MAGI1: variants seen among roughly 807,000 people sequenced by gnomAD.
MAGI1 encodes the protein membrane-associated guanylate kinase, WW and PDZ domain-containing protein 1.
A neutral mutation model predicts 139.9 loss-of-function variants in MAGI1; 58 were observed. The ratio of observed to expected loss-of-function variants is 0.41; its 90% CI spans 0.34 to 0.52. The LOEUF (loss-of-function observed/expected upper bound fraction) is 0.52, where lower values mean the gene tolerates loss of function less well. Among genes scored for constraint, MAGI1 ranks in the 20% least tolerant of loss-of-function variants. The pLI is 0.12. For missense variants in MAGI1, 1,874 were observed against 1,901.6 expected (o/e 0.99, Z 0.27); for synonymous variants, 812 against 737.9 (o/e 1.10, Z -1.63).
At chr3:65,643,565 G>A (rs2107257981) in intron 1 of MAGI1, among the ~76,000 whole-genome samples, 1 of 152,208 alleles carries the variant, frequency 6.6e-6, no homozygotes, top group Middle Eastern at 3.4e-3. Flanking sequence ...CCTCAACATG[G>A]TGATGAGTTT....
In MAGI1 at chr3:65,401,488, AGGAGG is replaced by A; in HGVS notation, c.2168-23_2168-19del. The A allele has an allele frequency of 1.2e-6, 2 of 1,611,022 alleles. No homozygotes were observed. Among genetic ancestry groups the A allele is most frequent in the Non-Finnish European group, 1.7e-6 (2 of 1,178,654 alleles). On this transcript the variant is annotated intron_variant, in intron 12 of 22. Coordinates refer to ENST00000402939, the MANE Select transcript of MAGI1 (RefSeq NM_001033057.2). The stretch of plus-strand genomic sequence containing the variant: ...TGGCAGCCCTGGAAAAAATGCAACA[AGGAGG>A]GGAGGGGGGAAGAAATCATTAGCAT...
At chr3:65,726,458 C>T (rs9872924) in intron 1 of MAGI1, among the ~76,000 whole-genome samples, 46,292 of 151,954 alleles carry the variant, frequency 0.3, 7,626 homozygotes, top group African/African-American at 0.38. Context: ...CTCTACCAAA[C>T]CTTTGAAAAT....
At chr3:65,876,282 T>C (rs1270349654) in intron 1 of MAGI1, among the ~76,000 whole-genome samples, 1 of 152,000 alleles carries the variant, frequency 6.6e-6, no homozygotes, top group African/African-American at 2.4e-5. Flanking sequence ...CGATCACGCC[T>C]GTGAACAGCC....
intron 20 of MAGI1, 25 bp downstream of exon 20, chr3:65,364,640 G>C: frequency 1.2e-6 from 2 of 1,604,056 alleles, no homozygotes; most frequent in Non-Finnish European, 1.7e-6. Context: ...GCAAAGTATA[G>C]AGAAAAAAGA....
chr3:65,876,924 T>A (rs970273331), intron 1 of MAGI1, among the ~76,000 whole-genome samples: 1 of 152,132 alleles, frequency 6.6e-6, no homozygotes, highest in East Asian at 1.9e-4. Flanking sequence ...TTTGTATTTT[T>A]AGTAGAGACG....
At chr3:65,526,046 T>C (rs528495757) in intron 2 of MAGI1, among the ~76,000 whole-genome samples, 1 of 152,340 alleles carries the variant, frequency 6.6e-6, no homozygotes, top group South Asian at 2.1e-4. Flanking sequence ...TATATGTAAT[T>C]AGTTTTTAAA....
chr3:65,643,899 T>C (rs959161945), intron 1 of MAGI1, among the ~76,000 whole-genome samples: 3 of 152,122 alleles, frequency 2.0e-5, no homozygotes, highest in Non-Finnish European at 4.4e-5. Context: ...CATTCTGGGG[T>C]ACTGTCAAAG....
At chr3:66,033,658 T>A (rs1292726230) in intron 1 of MAGI1, among the ~76,000 whole-genome samples, 1 of 152,306 alleles carries the variant, frequency 6.6e-6, no homozygotes, top group East Asian at 1.9e-4. Flanking sequence ...ATTTCCCTCA[T>A]TACAGTGAGG....
intron 1 of MAGI1, among the ~76,000 whole-genome samples, chr3:65,748,009 T>TAAAAAAAAAAA (rs2035842826): frequency 6.6e-6 from 1 of 152,062 alleles, no homozygotes; most frequent in Non-Finnish European, 1.5e-5. Flanking sequence ...AACACAGTTT[T>TAAAAAAAAAAA]TAAAAAGATA....
chr3:65,516,254 A>C (rs958132407), intron 2 of MAGI1, among the ~76,000 whole-genome samples: 44 of 152,114 alleles, frequency 2.9e-4, no homozygotes, highest in African/African-American at 9.9e-4. Context: ...ATCTTGGCTC[A>C]CTGCTACCTC....
chr3:65,558,139 C>A (rs1226483869), intron 2 of MAGI1, among the ~76,000 whole-genome samples: 1 of 152,200 alleles, frequency 6.6e-6, no homozygotes, highest in African/African-American at 2.4e-5. Context: ...TCATCATTCT[C>A]ATGTTAAGTA....
At chr3:65,908,016 T>C (rs2061506349) in intron 1 of MAGI1, among the ~76,000 whole-genome samples, 2 of 152,156 alleles carry the variant, frequency 1.3e-5, no homozygotes, top group Admixed American at 1.3e-4. Flanking sequence ...TCATGGAGCA[T>C]GCAAATACCA....
chr3:65,581,050 A>G, intron 2 of MAGI1, among the ~76,000 whole-genome samples: 1 of 151,824 alleles, frequency 6.6e-6, no homozygotes, highest in East Asian at 1.9e-4. Context: ...TCTTATTCTC[A>G]TACCACCCAT....
At chr3:65,450,031 A>G (rs1948933162) in intron 6 of MAGI1, among the ~76,000 whole-genome samples, 1 of 152,208 alleles carries the variant, frequency 6.6e-6, no homozygotes, top group Admixed American at 6.5e-5. Flanking sequence ...AAATTATTCA[A>G]TAACTATTGT....
rs142381533 is a variant in MAGI1, at chr3:65,753,915, T to A, written c.314-131827A>T. Among the ~76,000 whole-genome samples the A allele has an allele frequency of 7.9e-5, 12 of 152,216 alleles. No individual in the cohort carries two copies. The East Asian group carries it at 2.1e-3, about 27-fold the overall frequency. On this transcript the variant is annotated intron_variant, in intron 1 of 22. Coordinates refer to ENST00000402939, the MANE Select transcript of MAGI1 (RefSeq NM_001033057.2). ...AGGAGCGAACCACCTAACTTTCGGATCATAGGCATGGGAAAGGACCACACA... is the reference window on the plus strand; with the variant it reads ...AGGAGCGAACCACCTAACTTTCGGAACATAGGCATGGGAAAGGACCACACA...
intron 1 of MAGI1, among the ~76,000 whole-genome samples, chr3:65,742,447 T>C (rs927521019): frequency 2.0e-5 from 3 of 152,172 alleles, no homozygotes; most frequent in African/African-American, 7.2e-5. Flanking sequence ...CATCAGAATG[T>C]GACTTGGGGC....
At chr3:65,468,416 T>C (rs1169517501) in intron 5 of MAGI1, among the ~76,000 whole-genome samples, 2 of 123,938 alleles carry the variant, frequency 1.6e-5, no homozygotes, top group Non-Finnish European at 3.2e-5. Context: ...TCTTGCTCTG[T>C]TACCCAAGCT....
At chr3:65,587,883 A>C (rs750050795) in intron 2 of MAGI1, among the ~76,000 whole-genome samples, 7 of 152,184 alleles carry the variant, frequency 4.6e-5, no homozygotes, top group Non-Finnish European at 8.8e-5. Context: ...ACAATGAAAC[A>C]ACAGAAGCAC....
At chr3:65,556,157 CAT>C (rs1299802526) in intron 2 of MAGI1, among the ~76,000 whole-genome samples, 1 of 152,152 alleles carries the variant, frequency 6.6e-6, no homozygotes, top group Non-Finnish European at 1.5e-5. Context: ...CACTTCAAAA[CAT>C]AAGCTGGTAC....
Sources: allele counts gnomAD v4.1 joint callset (sites outside exome capture counted in the v4.1 genomes callset), GRCh38; gene constraint gnomAD v4.1.1; transcripts MANE v1.5; gene names NCBI Gene and HGNC (gene_info 2026-07-23, HGNC 2026-07-21).